Variants in CCDC60 observed in about 807,000 individuals in gnomAD.
CCDC60 encodes coiled-coil domain-containing protein 60.
Under a neutral mutation model 63.5 loss-of-function variants are expected in CCDC60, and 54 were observed. The observed-to-expected ratio is 0.85, with a 90% CI of 0.68 to 1.07. The LOEUF (loss-of-function observed/expected upper bound fraction) is 1.07. Among genes scored for constraint, CCDC60 ranks in the 50% least tolerant of loss-of-function variants. CCDC60 has a pLI of 0.00. For missense variants in CCDC60, 651 were observed against 684.3 expected (o/e 0.95, Z 0.54); for synonymous variants, 206 against 238.8 (o/e 0.86, Z 1.27).
At chr12:119,500,464 A>G (rs977900628) in intron 6 of CCDC60, among the ~76,000 whole-genome samples, 1 of 151,852 alleles carries the variant, frequency 6.6e-6, no homozygotes, top group Non-Finnish European at 1.5e-5. Flanking sequence ...ACCTCACTCT[A>G]TCTTCTAAAT....
intron 7 of CCDC60, among the ~76,000 whole-genome samples, chr12:119,516,168 T>C (rs2519544): frequency 0.33 from 50,059 of 152,106 alleles, 8,659 homozygotes; most frequent in African/African-American, 0.45. Flanking sequence ...TGCAGTGGCA[T>C]GATCTCGGCT....
chr12:119,388,968 A>G (rs148120653), intron 1 of CCDC60, among the ~76,000 whole-genome samples: 260 of 152,262 alleles, frequency 1.7e-3, no homozygotes, highest in Non-Finnish European at 2.8e-3. Context: ...CATGACCACT[A>G]CCTTTCTTGT....
intron 1 of CCDC60, among the ~76,000 whole-genome samples, chr12:119,358,683 G>C (rs181088198): frequency 1.3e-5 from 2 of 152,184 alleles, no homozygotes; most frequent in Admixed American, 1.3e-4. Context: ...TCATATAAAT[G>C]AATAATATGG....
intron 1 of CCDC60, among the ~76,000 whole-genome samples, chr12:119,343,850 T>A (rs1423934764): frequency 6.6e-6 from 1 of 151,786 alleles, no homozygotes; most frequent in Non-Finnish European, 1.5e-5. Context: ...GGAGGGGGCG[T>A]ATTACCATTC....
intron 4 of CCDC60, 41 bp from the exon 5 acceptor site, chr12:119,488,718 C>G: frequency 6.4e-7 from 1 of 1,565,562 alleles, no homozygotes; most frequent in Non-Finnish European, 8.8e-7. Context: ...GAAAGTTGTT[C>G]TAACAGGATC....
At chr12:119,435,179 A>T (rs1656990840) in intron 2 of CCDC60, among the ~76,000 whole-genome samples, 1 of 152,186 alleles carries the variant, frequency 6.6e-6, no homozygotes, top group Non-Finnish European at 1.5e-5. Flanking sequence ...CATGTGAGCG[A>T]TCTCACAGTA....
At chr12:119,360,943 G>A (rs1052552965) in intron 1 of CCDC60, among the ~76,000 whole-genome samples, 3 of 152,168 alleles carry the variant, frequency 2.0e-5, no homozygotes, top group African/African-American at 4.8e-5. Flanking sequence ...AGACCAGCCC[G>A]GCCAACACAA....
chr12:119,482,827 G>T (rs547128542), intron 4 of CCDC60, among the ~76,000 whole-genome samples: 48 of 152,242 alleles, frequency 3.2e-4, no homozygotes, highest in African/African-American at 1.0e-3. Flanking sequence ...GTGAGCTGGA[G>T]GTTGGCTGAT....
At position 119,500,136 on chromosome 12, in the gene CCDC60, C is replaced by G; in HGVS notation, c.616C>G (p.Gln206Glu). 6.2e-7 allele frequency: 1 copy of G among 1,611,070 alleles called. No homozygotes were observed. The highest frequency in any genetic ancestry group is 8.5e-7 in the Non-Finnish European group (1 of 1,179,134). The change falls in exon 6 of 14, where the codon CAG (glutamine) becomes GAG (glutamate). Residue 206 changes from glutamine to glutamate, a missense_variant. Transcript: ENST00000327554. ...KKINKDKSMG[Q>E]KWEHFITAPK... ...AATCAATAAGGACAAGTCCATGGGA[C>G]AGAAATGGGAGCATTTCATCACAGC...
chr12:119,439,150 CAAAAAAAAAAAAAAA>C (rs11317847), intron 2 of CCDC60, among the ~76,000 whole-genome samples: 19 of 72,282 alleles, frequency 2.6e-4, no homozygotes, highest in African/African-American at 9.9e-4. Flanking sequence ...CTTTTCTGGG[CAAAAAAAAAAAAAAA>C]AAAAAAAAAG....
intron 1 of CCDC60, among the ~76,000 whole-genome samples, chr12:119,419,115 A>G (rs560319395): frequency 6.6e-6 from 1 of 152,166 alleles, no homozygotes; most frequent in South Asian, 2.1e-4. Flanking sequence ...TCCCTGTTGC[A>G]TTGGCTGGAC....
intron 4 of CCDC60, among the ~76,000 whole-genome samples, chr12:119,483,172 G>C (rs1029528904): frequency 1.3e-5 from 2 of 152,160 alleles, no homozygotes; most frequent in Admixed American, 6.5e-5. Context: ...CTTCTTGTTG[G>C]GGGGAAGCAG....
chr12:119,470,543 T>C lies in CCDC60; in HGVS notation c.171-1451T>C, dbSNP rs571498462. On this transcript the variant is annotated intron_variant, in intron 2 of 13. Transcript: ENST00000327554. Reference sequence around the variant, plus strand: ...ATGGACATTTGTAAGAGTCCCCCGATGAAATGAAATGACCTTCATAACACC... The same window carrying C: ...ATGGACATTTGTAAGAGTCCCCCGACGAAATGAAATGACCTTCATAACACC... Among the ~76,000 whole-genome samples the C allele has an allele frequency of 2.0e-5, 3 of 152,288 alleles. No homozygotes were observed. In the South Asian group the frequency reaches 6.2e-4, roughly 32 times the overall value.
At chr12:119,462,865 C>A (rs987836913) in intron 2 of CCDC60, among the ~76,000 whole-genome samples, 1 of 151,452 alleles carries the variant, frequency 6.6e-6, no homozygotes, top group African/African-American at 2.4e-5. Context: ...GCTCTCTCGC[C>A]CAGGCTGTAG....
rs562633771 is a variant in CCDC60 at position 119,516,481 on chromosome 12, C to G, written c.884-142C>G. Reference sequence around the variant, plus strand: ...TGCCCAACACTATCAGCCACCTCTTCTGGACCCCAGTGGAATCTCTCTCCA... The same window carrying G: ...TGCCCAACACTATCAGCCACCTCTTGTGGACCCCAGTGGAATCTCTCTCCA... On this transcript the variant is annotated intron_variant, in intron 7 of 13. Transcript: ENST00000327554. 8 of 607,986 alleles carry G rather than the reference C, an allele frequency of 1.3e-5. No homozygotes were observed. In the East Asian group the frequency reaches 1.9e-4, roughly 15 times the overall value. 37.7% of individuals were successfully genotyped at this position (607,986 alleles called of 1,614,324 possible).
chr12:119,446,778 G>GTT (rs143527930), intron 2 of CCDC60, among the ~76,000 whole-genome samples: 1 of 151,062 alleles, frequency 6.6e-6, no homozygotes, highest in African/African-American at 2.4e-5. Context: ...TTTTGTTTTT[G>GTT]TTTTTTTTTA....
chr12:119,360,305 C>G (rs1392090331), intron 1 of CCDC60, among the ~76,000 whole-genome samples: 1 of 148,376 alleles, frequency 6.7e-6, no homozygotes, highest in Non-Finnish European at 1.5e-5. Flanking sequence ...ACCCCCCCAC[C>G]TCCCTCCCGG....
intron 13 of CCDC60, among the ~76,000 whole-genome samples, chr12:119,536,510 C>T (rs564367495): frequency 2.6e-5 from 4 of 152,228 alleles, no homozygotes; most frequent in South Asian, 2.1e-4. Context: ...TTCCTAGCAT[C>T]GATGGTCTTT....
intron 1 of CCDC60, among the ~76,000 whole-genome samples, chr12:119,337,019 A>C (rs1289425635): frequency 2.6e-5 from 4 of 152,182 alleles, no homozygotes; most frequent in Admixed American, 2.6e-4. Context: ...TGCCCCAGGA[A>C]GGAGGGCCTG....
Sources: allele counts gnomAD v4.1 joint callset (sites outside exome capture counted in the v4.1 genomes callset), GRCh38; gene constraint gnomAD v4.1.1; transcripts MANE v1.5; gene names NCBI Gene and HGNC (gene_info 2026-07-23, HGNC 2026-07-21).